Variants in CDH13 observed in about 807,000 individuals in gnomAD.
CDH13 encodes cadherin-13.
CDH13 carries 24 observed loss-of-function variants against 63.8 expected under a neutral mutation model. That is an observed-to-expected ratio of 0.38 (90% CI 0.27 to 0.53). The LOEUF is 0.53. Ranked by LOEUF, CDH13 falls within the 20% of genes least tolerant of loss-of-function variation. The pLI is 0.85. For missense variants in CDH13, 1,049 were observed against 903.1 expected, an observed-to-expected ratio of 1.16 and a Z score of -2.07; for synonymous variants, 503 against 355.3, an observed-to-expected ratio of 1.42 and a Z score of -4.67.
At chr16:83,239,858 A>T (rs1478630234) in intron 5 of CDH13, among the ~76,000 whole-genome samples, 2 of 152,120 alleles carry the variant, frequency 1.3e-5, no homozygotes, top group Non-Finnish European at 2.9e-5. Context: ...GAGGATGGGG[A>T]ATTTGTGGGG....
At chr16:82,972,776 T>C (rs550584243) in intron 2 of CDH13, among the ~76,000 whole-genome samples, 125 of 149,260 alleles carry the variant, frequency 8.4e-4, no homozygotes, top group African/African-American at 2.9e-3. Flanking sequence ...AGCCTTGTGT[T>C]TACAACCACT....
chr16:82,857,361 C>T (rs913682676), intron 1 of CDH13, among the ~76,000 whole-genome samples: 1 of 152,184 alleles, frequency 6.6e-6, no homozygotes, highest in Non-Finnish European at 1.5e-5. Flanking sequence ...TTAAGTGTTA[C>T]GGAGCCTCTT....
chr16:82,761,256 G>A (rs1399086667), intron 1 of CDH13, among the ~76,000 whole-genome samples: 1 of 151,872 alleles, frequency 6.6e-6, no homozygotes, highest in Non-Finnish European at 1.5e-5. Flanking sequence ...GACCTCAGGT[G>A]ATCTGCCCTC....
In CDH13 at chr16:82,906,864, C is replaced by A. The variant is rs376293130; in HGVS notation, c.157+48391C>A. ...CATTGTCTCATGACCTCCTCTTCTGCCTCTCTGTCTGTGTGTCCTCATGTG... is the reference window on the plus strand; with the variant it reads ...CATTGTCTCATGACCTCCTCTTCTGACTCTCTGTCTGTGTGTCCTCATGTG... On this transcript the variant is annotated intron_variant, in intron 2 of 13. Transcript: ENST00000567109. Among the ~76,000 whole-genome samples the A allele has an allele frequency of 1.5e-3, 226 of 152,310 alleles. 1 individual carries two copies. Among genetic ancestry groups the A allele is most frequent in the African/African-American group, 5.2e-3 (218 of 41,576 alleles).
At chr16:83,210,428 T>C (rs1450402804) in intron 4 of CDH13, among the ~76,000 whole-genome samples, 6 of 152,062 alleles carry the variant, frequency 3.9e-5, no homozygotes, top group African/African-American at 1.4e-4. Flanking sequence ...AGAATGACCA[T>C]TCTGGTTGCA....
intron 6 of CDH13, among the ~76,000 whole-genome samples, chr16:83,438,788 G>A (rs1424655022): frequency 6.6e-6 from 1 of 152,170 alleles, no homozygotes; most frequent in African/African-American, 2.4e-5. Context: ...AACATATTTT[G>A]TACGTTTGAG....
intron 10 of CDH13, among the ~76,000 whole-genome samples, chr16:83,715,462 C>A (rs1056505034): frequency 1.3e-4 from 20 of 152,284 alleles, no homozygotes; most frequent in Non-Finnish European, 8.8e-5. Context: ...GAGCCAGGAT[C>A]CTGGGGCTTG....
At chr16:82,896,770 C>CTTTTTTTT (rs71382855) in intron 2 of CDH13, among the ~76,000 whole-genome samples, 5 of 55,554 alleles carry the variant, frequency 9.0e-5, no homozygotes, top group African/African-American at 4.1e-4. Flanking sequence ...CTGTGCAATT[C>CTTTTTTTT]TTTTTTTTTT....
chr16:83,053,829 T>A (rs1349946830), intron 3 of CDH13, among the ~76,000 whole-genome samples: 2 of 152,128 alleles, frequency 1.3e-5, no homozygotes, highest in Non-Finnish European at 2.9e-5. Context: ...CCCTTATCTA[T>A]GGGAAACACA....
At chr16:83,302,760 G>T (rs2089778903) in intron 5 of CDH13, among the ~76,000 whole-genome samples, 1 of 152,180 alleles carries the variant, frequency 6.6e-6, no homozygotes, top group African/African-American at 2.4e-5. Context: ...GAGGCAAGGA[G>T]GGACACCAAG....
intron 7 of CDH13, among the ~76,000 whole-genome samples, chr16:83,532,140 C>T (rs1186615377): frequency 6.6e-6 from 1 of 152,148 alleles, no homozygotes; most frequent in Non-Finnish European, 1.5e-5. Context: ...GTGCCTTTCA[C>T]CTGCTGCCAT....
chr16:83,520,251 A>T (rs1483326125), intron 7 of CDH13, among the ~76,000 whole-genome samples: 1 of 152,330 alleles, frequency 6.6e-6, no homozygotes, highest in East Asian at 1.9e-4. Context: ...AGTGGAGCAA[A>T]AGAAGCCAAG....
chr16:83,167,922 A>G (rs759338887), intron 4 of CDH13, among the ~76,000 whole-genome samples: 7 of 152,104 alleles, frequency 4.6e-5, no homozygotes, highest in Non-Finnish European at 7.4e-5. Flanking sequence ...GCCAGGGGCT[A>G]TTATCCTAAG....
chr16:83,296,907 A>G (rs77826194), intron 5 of CDH13, among the ~76,000 whole-genome samples: 4,522 of 152,306 alleles, frequency 0.03, 229 homozygotes, highest in African/African-American at 0.1. Flanking sequence ...ATGGATTGGC[A>G]TATTCCATAG....
intron 4 of CDH13, among the ~76,000 whole-genome samples, chr16:83,186,211 T>C (rs1443513412): frequency 6.6e-6 from 1 of 151,838 alleles, no homozygotes; most frequent in African/African-American, 2.4e-5. Context: ...CTCGGATCAC[T>C]GCAGCCAACC....
chr16:82,889,954 T>G (rs1404065005), intron 2 of CDH13, among the ~76,000 whole-genome samples: 1 of 152,240 alleles, frequency 6.6e-6, no homozygotes, highest in East Asian at 1.9e-4. Context: ...GGTAATACAT[T>G]TAAAACACAA....
intron 6 of CDH13, among the ~76,000 whole-genome samples, chr16:83,425,777 GTC>G (rs2071875547): frequency 6.6e-6 from 1 of 150,666 alleles, no homozygotes; most frequent in African/African-American, 2.4e-5. Context: ...TTCTTCCTTT[GTC>G]TCTTTCTTCT....
intron 5 of CDH13, among the ~76,000 whole-genome samples, chr16:83,304,632 G>C (rs2089830967): frequency 6.6e-6 from 1 of 152,142 alleles, no homozygotes; most frequent in Non-Finnish European, 1.5e-5. Flanking sequence ...TTTAATAAAT[G>C]CCCATTGGAA....
chr16:83,508,753 T>C (rs1006193393), intron 7 of CDH13, among the ~76,000 whole-genome samples: 7 of 152,238 alleles, frequency 4.6e-5, no homozygotes, highest in African/African-American at 1.7e-4. Flanking sequence ...CCCTCACTTG[T>C]GCTTCTTAAG....
Sources: gnomAD v4.1 joint callset for allele counts (sites outside exome capture counted in the v4.1 genomes callset) on GRCh38, gnomAD v4.1.1 for gene constraint, MANE v1.5 for transcripts, NCBI Gene and HGNC (gene_info 2026-07-23, HGNC 2026-07-21) for gene names.